Variants in CAMTA1 observed in about 807,000 individuals in gnomAD.
CAMTA1 encodes the protein calmodulin binding transcription activator 1.
CAMTA1 carries 27 observed loss-of-function variants against 170.9 expected under a neutral mutation model. That is an observed-to-expected ratio of 0.16 (90% CI 0.12 to 0.22). The LOEUF (loss-of-function observed/expected upper bound fraction) is 0.22, where lower values mean the gene tolerates loss of function less well. Ranked by LOEUF, CAMTA1 falls within the 10% of genes least tolerant of loss-of-function variation. The pLI, the probability that CAMTA1 is intolerant of heterozygous loss-of-function variation, is 1.00. For missense variants in CAMTA1, 1,619 were observed against 2,217.2 expected (o/e 0.73, Z 5.42); for synonymous variants, 833 against 891.5 (o/e 0.93, Z 1.17).
rs34562557 is a variant in CAMTA1, at chr1:6,952,430, C to CAAA, written c.234+127226_234+127228dup. Among the ~76,000 whole-genome samples the CAAA allele has an allele frequency of 7.6e-4, 10 of 13,096 alleles. 4 individuals carry two copies. The highest frequency in any genetic ancestry group is 8.5e-3 in the South Asian group (2 of 234). 8.6% of individuals were successfully genotyped at this position (13,096 alleles called of 152,430 possible). ...TGGGGGACAGAGCGAGACTCTGTCT[C>CAAA]AAAAAAAAGAAAAAAAAAAAAAAAA... is the stretch of plus-strand genomic sequence containing the variant. On this transcript the variant is annotated intron_variant, in intron 3 of 22. Transcript: ENST00000303635.
At chr1:7,252,199 G>A (rs997846870) in intron 5 of CAMTA1, among the ~76,000 whole-genome samples, 17 of 152,154 alleles carry the variant, frequency 1.1e-4, no homozygotes, top group African/African-American at 4.1e-4. Context: ...ACTGCCTTAT[G>A]GCTGCATAAT....
chr1:7,619,693 A>C (rs1232252523), intron 6 of CAMTA1, among the ~76,000 whole-genome samples: 1 of 151,960 alleles, frequency 6.6e-6, no homozygotes, highest in Non-Finnish European at 1.5e-5. Flanking sequence ...TCTGTCACCA[A>C]GGCTGGAGTG....
At chr1:6,855,721 T>A (rs1181699440) in intron 3 of CAMTA1, among the ~76,000 whole-genome samples, 1 of 152,024 alleles carries the variant, frequency 6.6e-6, no homozygotes, top group Non-Finnish European at 1.5e-5. Flanking sequence ...TAATTACTAA[T>A]TATAACAGGG....
rs1209642497 is a variant in CAMTA1 at position 7,296,865 on chromosome 1, A to G, written c.438+47239A>G. Among the ~76,000 whole-genome samples, 3 of 151,998 alleles carry G rather than the reference A, an allele frequency of 2.0e-5. No individual in the cohort carries two copies. The East Asian group carries it at 5.8e-4, about 29-fold the overall frequency. On this transcript the variant is annotated intron_variant, in intron 5 of 22. Transcript: ENST00000303635. Reference sequence around the variant, plus strand: ...AAATGACTAAAGACTTAGACCCCTGACACCTAAAACATTTAGCTGCCTGGA... The same window carrying G: ...AAATGACTAAAGACTTAGACCCCTGGCACCTAAAACATTTAGCTGCCTGGA...
chr1:7,476,849 C>T (rs764691290), intron 6 of CAMTA1, among the ~76,000 whole-genome samples: 5 of 152,184 alleles, frequency 3.3e-5, no homozygotes, highest in African/African-American at 9.7e-5. Flanking sequence ...TCGAAGGCTG[C>T]GGGCAAGCAC....
Position 7,732,624 on chromosome 1 carries a change from C to T in CAMTA1, c.3066+25C>T, listed in dbSNP as rs765183230. 3 of 1,554,894 alleles carry T rather than the reference C, an allele frequency of 1.9e-6. No homozygotes were observed. The highest frequency in any genetic ancestry group is 2.6e-6 in the Non-Finnish European group (3 of 1,150,010). On this transcript the variant is annotated intron_variant, in intron 12 of 22. Coordinates refer to ENST00000303635, the MANE Select transcript of CAMTA1 (RefSeq NM_015215.4). The surrounding 1 kb of genome is among the most constrained non-coding windows in gnomAD (Gnocchi z 4.1). ...GGTACGAGGCGGTGCTGATGCTCAGCTCCCATTTCGCTTCATGTTTATGGA... is the reference window on the plus strand; with the variant it reads ...GGTACGAGGCGGTGCTGATGCTCAGTTCCCATTTCGCTTCATGTTTATGGA...
intron 3 of CAMTA1, among the ~76,000 whole-genome samples, chr1:6,973,593 G>T (rs1692913500): frequency 6.6e-6 from 1 of 152,212 alleles, no homozygotes; most frequent in Non-Finnish European, 1.5e-5. Context: ...GCACGGGAGT[G>T]CTAATATCTC....
chr1:7,199,044 G>GTT (rs1656119507), intron 4 of CAMTA1, among the ~76,000 whole-genome samples: 1 of 152,196 alleles, frequency 6.6e-6, no homozygotes, highest in Non-Finnish European at 1.5e-5. Flanking sequence ...GGGCAGAGGT[G>GTT]TTTGTCTTTT....
At chr1:7,513,822 C>T (rs1167322300) in intron 6 of CAMTA1, among the ~76,000 whole-genome samples, 10 of 152,052 alleles carry the variant, frequency 6.6e-5, no homozygotes, top group African/African-American at 1.4e-4. Context: ...CCCTGGAGGC[C>T]GAGGCGGGAG....
chr1:7,544,884 T>C (rs2094669311), intron 6 of CAMTA1, among the ~76,000 whole-genome samples: 1 of 152,154 alleles, frequency 6.6e-6, no homozygotes, highest in African/African-American at 2.4e-5. Context: ...AGCTATTTCA[T>C]TCCCTCAGGA....
chr1:7,230,780 C>T (rs993366931), intron 4 of CAMTA1, among the ~76,000 whole-genome samples: 2 of 152,272 alleles, frequency 1.3e-5, no homozygotes, highest in South Asian at 2.1e-4. Flanking sequence ...CCCCAGCCCC[C>T]GGGAGCCACG....
intron 5 of CAMTA1, among the ~76,000 whole-genome samples, chr1:7,327,090 G>A (rs945379762): frequency 1.3e-5 from 2 of 152,148 alleles, no homozygotes; most frequent in South Asian, 2.1e-4. Flanking sequence ...GTGGATAGGC[G>A]GGGGGGAAAG....
At chr1:7,589,548 G>T (rs988967492) in intron 6 of CAMTA1, among the ~76,000 whole-genome samples, 2 of 152,178 alleles carry the variant, frequency 1.3e-5, no homozygotes, top group East Asian at 3.9e-4. Flanking sequence ...TTCTGTGCAG[G>T]CCTGCAGTTC....
chr1:7,307,748 T>C (rs1039370221), intron 5 of CAMTA1, among the ~76,000 whole-genome samples: 1 of 152,062 alleles, frequency 6.6e-6, no homozygotes, highest in Non-Finnish European at 1.5e-5. Flanking sequence ...TGCTCAATTT[T>C]ATTTTCTAAT....
chr1:7,667,263 C>A (rs529787235), intron 9 of CAMTA1, among the ~76,000 whole-genome samples: 1 of 152,126 alleles, frequency 6.6e-6, no homozygotes, highest in African/African-American at 2.4e-5. Flanking sequence ...CCCACCCCAC[C>A]CCATGAAGGC....
In CAMTA1 at chr1:7,532,272, G is replaced by A. The variant is rs1025604084; in HGVS notation, c.510+64371G>A. 1.3e-5 allele frequency among the ~76,000 whole-genome samples: 2 copies of A among 152,096 alleles called. No homozygotes were observed. Among genetic ancestry groups the A allele is most frequent in the Admixed American group, 6.5e-5 (1 of 15,276 alleles). The stretch of plus-strand genomic sequence containing the variant: ...AAGTCAGGACTGCCACTCACCCTCC[G>A]AGGTGGCCATCTTCTCAGCTTCTTT... On this transcript the variant is annotated intron_variant, in intron 6 of 22. Coordinates refer to ENST00000303635, the MANE Select transcript of CAMTA1 (RefSeq NM_015215.4). This position sits in a 1 kb window ranked among gnomAD's most constrained non-coding sequence, Gnocchi z 4.2.
At chr1:7,244,811 G>A (rs1665492595) in intron 4 of CAMTA1, among the ~76,000 whole-genome samples, 1 of 152,218 alleles carries the variant, frequency 6.6e-6, no homozygotes, top group South Asian at 2.1e-4. Context: ...GTTAATGGGT[G>A]CAGCACACCA....
In CAMTA1 at chr1:7,409,683, G is replaced by A. The variant is rs186619681; in HGVS notation, c.439-58147G>A. 1.3e-3 allele frequency among the ~76,000 whole-genome samples: 205 copies of A among 152,306 alleles called. 1 individual carries two copies. The highest frequency in any genetic ancestry group is 4.7e-3 in the African/African-American group (194 of 41,562). ...CAGGGAGGAACAAGGGCTCAGAGAAGCTAATTCTGCCCAAGGCCACCAGCT... is the reference window on the plus strand; with the variant it reads ...CAGGGAGGAACAAGGGCTCAGAGAAACTAATTCTGCCCAAGGCCACCAGCT... On this transcript the variant is annotated intron_variant, in intron 5 of 22. Coordinates refer to ENST00000303635, the MANE Select transcript of CAMTA1 (RefSeq NM_015215.4).
chr1:7,423,875 G>A (rs760022815), intron 5 of CAMTA1, among the ~76,000 whole-genome samples: 14 of 152,112 alleles, frequency 9.2e-5, no homozygotes, highest in Admixed American at 3.3e-4. Flanking sequence ...GGTACGGGGC[G>A]AGAGGACAGA....
Sources: gnomAD v4.1 joint callset for allele counts (sites outside exome capture counted in the v4.1 genomes callset) on GRCh38, gnomAD v4.1.1 for gene constraint, Gnocchi (gnomAD v3.1) non-coding constraint, MANE v1.5 for transcripts, NCBI Gene and HGNC (gene_info 2026-07-23, HGNC 2026-07-21) for gene names.